DPP10: variants seen among roughly 807,000 people sequenced by gnomAD.
DPP10 encodes inactive dipeptidyl peptidase 10.
In DPP10, 33 loss-of-function variants were observed where a neutral mutation model predicts 120.9. The observed-to-expected ratio is 0.27, with a 90% CI of 0.21 to 0.37. DPP10 has a LOEUF of 0.37. DPP10 is among the 10% of genes least tolerant of loss of function. The pLI is 1.00. For synonymous variants in DPP10, 337 were observed against 326.1 expected, an observed-to-expected ratio of 1.03 and a Z score of -0.36; for missense variants, 816 against 942.8, an observed-to-expected ratio of 0.87 and a Z score of 1.76.
At chr2:114,641,596 C>T (rs991644320) in intron 1 of DPP10, among the ~76,000 whole-genome samples, 2 of 151,932 alleles carry the variant, frequency 1.3e-5, no homozygotes, top group African/African-American at 4.9e-5. Context: ...TGTCATTTAA[C>T]TGATTTATAA....
intron 14 of DPP10, 37 bp downstream of exon 14, chr2:115,777,336 A>T (rs1682230699): frequency 6.4e-7 from 1 of 1,562,356 alleles, no homozygotes; most frequent in Non-Finnish European, 8.8e-7. Context: ...GCTGCAAGTT[A>T]GCGTTGTCAA....
intron 8 of DPP10, among the ~76,000 whole-genome samples, chr2:115,738,203 G>A (rs764746551): frequency 1.3e-5 from 2 of 152,086 alleles, no homozygotes; most frequent in Non-Finnish European, 2.9e-5. Flanking sequence ...TATTGCAGCC[G>A]TGTACCCGTT....
chr2:115,442,567 G>A (rs1487072889), intron 3 of DPP10, among the ~76,000 whole-genome samples: 2 of 152,032 alleles, frequency 1.3e-5, no homozygotes, highest in East Asian at 3.9e-4. Context: ...AGATTTTTCT[G>A]GTTGTTTGCC....
chr2:114,938,729 C>T (rs1696671077), intron 1 of DPP10, among the ~76,000 whole-genome samples: 1 of 102,596 alleles, frequency 9.7e-6, no homozygotes, highest in Non-Finnish European at 2.1e-5. Context: ...CACTTTGTCC[C>T]TTTTTTTTTT....
At chr2:115,660,963 A>G (rs149120108) in intron 5 of DPP10, among the ~76,000 whole-genome samples, 163 of 95,922 alleles carry the variant, frequency 1.7e-3, no homozygotes, top group South Asian at 8.8e-3. Context: ...TTCATATATT[A>G]TAGGCCCTAA....
intron 2 of DPP10, among the ~76,000 whole-genome samples, chr2:115,314,593 A>G (rs556119900): frequency 6.6e-6 from 1 of 152,172 alleles, no homozygotes; most frequent in South Asian, 2.1e-4. Flanking sequence ...TTTAATGGTA[A>G]TTTTTCAGTT....
chr2:115,288,316 A>G (rs1249073631), intron 1 of DPP10, among the ~76,000 whole-genome samples: 2 of 151,532 alleles, frequency 1.3e-5, no homozygotes, highest in Admixed American at 1.3e-4. Flanking sequence ...TTTCTTGGCC[A>G]TTTGTATAAC....
intron 1 of DPP10, among the ~76,000 whole-genome samples, chr2:115,106,842 G>A (rs899378954): frequency 7.2e-5 from 11 of 152,048 alleles, no homozygotes; most frequent in African/African-American, 2.2e-4. Context: ...TTGGGAGGCC[G>A]AGGCGGGTGG....
chr2:115,755,296 T>C (rs1456984188), intron 11 of DPP10, among the ~76,000 whole-genome samples: 1 of 152,064 alleles, frequency 6.6e-6, no homozygotes, highest in Non-Finnish European at 1.5e-5. Context: ...GAAACTAAAA[T>C]TTCAGGAACT....
intron 2 of DPP10, chr2:115,342,179 TTATG>T (rs763207256): frequency 4.4e-6 from 2 of 454,890 alleles, no homozygotes; most frequent in Non-Finnish European, 8.8e-6. Flanking sequence ...CTGACATCTA[TTATG>T]TATGTATGTG....
chr2:115,410,047 G>C (rs1177929417), intron 3 of DPP10, among the ~76,000 whole-genome samples: 2 of 152,108 alleles, frequency 1.3e-5, no homozygotes, highest in Non-Finnish European at 2.9e-5. Flanking sequence ...TTTTGTATAA[G>C]GTGTAAGGAA....
At chr2:114,489,402 T>A (rs1681789197) in intron 1 of DPP10, among the ~76,000 whole-genome samples, 1 of 152,188 alleles carries the variant, frequency 6.6e-6, no homozygotes, top group Admixed American at 6.5e-5. Context: ...CAGAAACAGC[T>A]GCATTTGCTG....
chr2:115,200,570 A>G (rs545289667), intron 1 of DPP10, among the ~76,000 whole-genome samples: 2 of 152,338 alleles, frequency 1.3e-5, no homozygotes, highest in Admixed American at 6.5e-5. Flanking sequence ...TAAGAATAGT[A>G]TTTCCCTAAG....
intron 19 of DPP10, among the ~76,000 whole-genome samples, chr2:115,792,758 A>G (rs1279509719): frequency 1.3e-5 from 2 of 152,188 alleles, no homozygotes; most frequent in Non-Finnish European, 2.9e-5. Context: ...CTTCTATCTC[A>G]GTCACGTCTC....
intron 1 of DPP10, among the ~76,000 whole-genome samples, chr2:115,199,307 G>T (rs999972825): frequency 1.6e-5 from 2 of 126,192 alleles, no homozygotes; most frequent in African/African-American, 4.9e-5. Context: ...TTCTGCTTGG[G>T]ATCTGTTGTG....
At chr2:115,446,230 G>T (rs1558671368) in intron 3 of DPP10, among the ~76,000 whole-genome samples, 1 of 152,230 alleles carries the variant, frequency 6.6e-6, no homozygotes, top group African/African-American at 2.4e-5. Context: ...TTTAGAGCAT[G>T]TATGAAAATA....
chr2:115,099,021 A>G (rs2048542560), intron 1 of DPP10, among the ~76,000 whole-genome samples: 1 of 151,740 alleles, frequency 6.6e-6, no homozygotes, highest in Non-Finnish European at 1.5e-5. Context: ...ACAGTGGCTC[A>G]TGCCTGTAAT....
intron 1 of DPP10, among the ~76,000 whole-genome samples, chr2:114,551,047 C>T (rs1440687080): frequency 1.3e-5 from 2 of 152,186 alleles, no homozygotes; most frequent in Non-Finnish European, 2.9e-5. Flanking sequence ...CACCACAAAG[C>T]CCCCTCTGTT....
At chr2:115,518,816 C>T (rs776022914) in intron 4 of DPP10, among the ~76,000 whole-genome samples, 13 of 152,112 alleles carry the variant, frequency 8.5e-5, no homozygotes, top group Non-Finnish European at 1.8e-4. Context: ...GAGGAAAACT[C>T]ATACCGAAAT....
Sources: gnomAD v4.1 joint callset for allele counts (sites outside exome capture counted in the v4.1 genomes callset) on GRCh38, gnomAD v4.1.1 for gene constraint, MANE v1.5 for transcripts, NCBI Gene and HGNC (gene_info 2026-07-23, HGNC 2026-07-21) for gene names.